Variants in DPY19L3 observed in about 807,000 individuals in gnomAD.
DPY19L3 encodes dpy-19 like C-mannosyltransferase 3, also known as protein C-mannosyl-transferase DPY19L3.
A neutral mutation model predicts 92.3 loss-of-function variants in DPY19L3; 51 were observed. The observed-to-expected ratio is 0.55, with a 90% CI of 0.44 to 0.70. DPY19L3 has a LOEUF of 0.70. Among genes scored for constraint, DPY19L3 ranks in the 30% least tolerant of loss-of-function variants. The probability of loss-of-function intolerance (pLI) is 0.00; values close to 1 mark genes in which losing one functional copy is unlikely to be tolerated. For missense variants in DPY19L3, 706 were observed against 855.9 expected (o/e 0.82, Z 2.18); for synonymous variants, 309 against 315.2 (o/e 0.98, Z 0.21).
intron 8 of DPY19L3, among the ~76,000 whole-genome samples, chr19:32,452,164 G>C (rs925229686): frequency 6.6e-6 from 1 of 152,322 alleles, no homozygotes; most frequent in East Asian, 1.9e-4. Context: ...TGGTTCTTCT[G>C]TGAGACCCTA....
In DPY19L3 at chr19:32,458,105, T is replaced by A. The variant is rs1236021151; in HGVS notation, c.1095T>A (p.Ile365=). 6.2e-7 allele frequency: 1 copy of A among 1,612,372 alleles called. No homozygotes were observed. Among genetic ancestry groups the A allele is most frequent in the Non-Finnish European group, 8.5e-7 (1 of 1,179,596 alleles). Residue 365 remains isoleucine (I), a synonymous_variant, in exon 11 of 19, where the codon ATT becomes ATA. Transcript: ENST00000392250. ...GTTTTCTCTTTCCCCGATAGAAAAT[T>A]CTTAACCTGAAGTCAGATGAACACA... ...TLFLNNIIKK[I]LNLKSDEHIF...
chr19:32,468,187 A>C, intron 15 of DPY19L3: 3 of 918,252 alleles, frequency 3.3e-6, no homozygotes, highest in Non-Finnish European at 3.9e-6. Context: ...CACACTTCTA[A>C]ATGAAAAATA....
At chr19:32,453,408 G>A (rs1969769811) in intron 9 of DPY19L3, 132 bp downstream of exon 9, 2 of 902,464 alleles carry the variant, frequency 2.2e-6, no homozygotes, top group Non-Finnish European at 3.2e-6. Flanking sequence ...ACGTGGCATT[G>A]TGTGCTTTTT....
intron 4 of DPY19L3, among the ~76,000 whole-genome samples, chr19:32,433,109 G>A (rs1969023748): frequency 6.6e-6 from 1 of 152,144 alleles, no homozygotes; most frequent in Admixed American, 6.5e-5. Context: ...CAGGTGAAAG[G>A]AGTATTGTCT....
chr19:32,460,402 C>A (rs572698309), intron 12 of DPY19L3, among the ~76,000 whole-genome samples: 3 of 152,078 alleles, frequency 2.0e-5, no homozygotes. Flanking sequence ...CAGAGTGAGA[C>A]CCTATCTCTA....
chr19:32,430,077 C>T (rs969005188), intron 3 of DPY19L3, among the ~76,000 whole-genome samples: 6 of 152,114 alleles, frequency 3.9e-5, no homozygotes, highest in South Asian at 2.1e-4. Flanking sequence ...CTTTTTATAA[C>T]GCAAGTGTGT....
At chr19:32,476,528 CAAAAAAAA>C (rs71176126) in intron 16 of DPY19L3, among the ~76,000 whole-genome samples, 28 of 93,320 alleles carry the variant, frequency 3.0e-4, no homozygotes, top group Non-Finnish European at 4.6e-4. Context: ...CTCAGGTTTC[CAAAAAAAA>C]AAAAAAAAAA....
chr19:32,422,354 G>A (rs1968599867), intron 3 of DPY19L3, among the ~76,000 whole-genome samples: 2 of 152,114 alleles, frequency 1.3e-5, no homozygotes, highest in South Asian at 4.1e-4. Context: ...AAAAGGAAGT[G>A]AAATATGAAC....
Position 32,439,162 on chromosome 19 carries a change from C to T in DPY19L3, c.647C>T (p.Ala216Val), listed in dbSNP as rs910636872. The T allele has an allele frequency of 6.2e-7, 1 of 1,613,436 alleles. No homozygotes were observed. The highest frequency in any genetic ancestry group is 2.2e-5 in the East Asian group (1 of 44,862). ...EFTIPLRENWALPFFAIQIAA... is the reference protein window; with the variant it reads ...EFTIPLRENWVLPFFAIQIAA... ...ACCATCCCACTGAGGGAGAACTGGG[C>T]GCTGCCATTCTTTGCAATTCAGATA... Residue 216 changes from alanine (A) to valine (V), a missense_variant, in exon 7 of 19, where the codon GCG (alanine) becomes GTG (valine). Ala to Val is a moderately conservative substitution (Grantham distance 64). Coordinates refer to ENST00000392250, the MANE Select transcript of DPY19L3 (RefSeq NM_001172774.2).
rs541337665 is a variant in DPY19L3 at position 32,406,187 on chromosome 19, C to T, written c.-38+278C>T. ...CGAGGCAGGGCCTGGGCTGCGACCC[C>T]GGCGGCCGCTCGCGGTCTTGGGAGA... is the stretch of plus-strand genomic sequence containing the variant. On this transcript the variant is annotated intron_variant, in intron 1 of 18. Coordinates refer to ENST00000392250, the MANE Select transcript of DPY19L3 (RefSeq NM_001172774.2). 4 of 152,168 alleles carry T rather than the reference C, an allele frequency of 2.6e-5. No homozygotes were observed. In the East Asian group the frequency reaches 7.8e-4, roughly 29 times the overall value. The allele number at this position is 152,168 out of a possible 1,614,324, so 9.4% of individuals were successfully genotyped here. A position where few individuals can be genotyped will look rare whatever the true frequency, so the allele number is the denominator to read the frequency against.
chr19:32,460,657 TAGGAATTTTTC>T (rs1970009353), intron 12 of DPY19L3, among the ~76,000 whole-genome samples: 1 of 152,156 alleles, frequency 6.6e-6, no homozygotes, highest in Non-Finnish European at 1.5e-5. Context: ...CACTAGGCAA[TAGGAATTTTTC>T]AGCTCCATTA....
At chr19:32,447,369 TAA>T (rs1236161812) in intron 8 of DPY19L3, among the ~76,000 whole-genome samples, 1 of 151,878 alleles carries the variant, frequency 6.6e-6, no homozygotes, top group Admixed American at 6.6e-5. Context: ...GAGAAGAAAA[TAA>T]TAAAGAGCAG....
chr19:32,442,300 A>G (rs982813784), intron 8 of DPY19L3, among the ~76,000 whole-genome samples: 3 of 152,244 alleles, frequency 2.0e-5, no homozygotes, highest in Non-Finnish European at 4.4e-5. Context: ...AACAGCAAGC[A>G]TATTATAAAG....
Position 32,453,215 on chromosome 19 carries a change from T to G in DPY19L3, c.926T>G (p.Met309Arg). The change falls in exon 9 of 19, where the codon ATG (methionine) becomes AGG (arginine). Residue 309 changes from methionine (M) to arginine (R), a missense_variant. Met to Arg is a moderately conservative substitution (Grantham distance 91). Coordinates refer to ENST00000392250, the MANE Select transcript of DPY19L3 (RefSeq NM_001172774.2). The part of the protein sequence containing the change: ...LVCILQFFNS[M>R]ILGSLLISFN... ...TGCATTCTTCAGTTTTTTAATTCCA[T>G]GATTCTTGGATCACTGCTTATCAGT... 1 of 1,614,058 alleles carries G rather than the reference T, an allele frequency of 6.2e-7. No homozygotes were observed.
In DPY19L3 at chr19:32,455,050, T is replaced by TA. The variant is rs767696295; in HGVS notation, c.1089+15dup. 2.1e-6 allele frequency: 3 copies of TA among 1,445,162 alleles called. No homozygotes were observed. The highest frequency in any genetic ancestry group is 2.6e-5 in the South Asian group (2 of 77,624). 89.5% of individuals were successfully genotyped at this position (1,445,162 alleles called of 1,614,324 possible). On this transcript the variant is annotated intron_variant, in intron 10 of 18. Coordinates refer to ENST00000392250, the MANE Select transcript of DPY19L3 (RefSeq NM_001172774.2). Reference sequence around the variant, plus strand: ...CAACAACATAATTAAGGTAAGTTAATAAAAATGACATGTTTAATGTATTTT... The same window carrying TA: ...CAACAACATAATTAAGGTAAGTTAATAAAAAATGACATGTTTAATGTATTTT...
At position 32,477,564 on chromosome 19, in the gene DPY19L3, G is replaced by T; in HGVS notation, c.1740G>T (p.Gln580His). The T allele has an allele frequency of 6.2e-7, 1 of 1,614,174 alleles. No individual in the cohort carries two copies. The highest frequency in any genetic ancestry group is 8.5e-7 in the Non-Finnish European group (1 of 1,180,046). The change falls in exon 17 of 19, where the codon CAG (glutamine) becomes CAT (histidine). Residue 580 changes from glutamine to histidine, a missense_variant. Transcript: ENST00000392250. ...PRKAVFAGSM[Q>H]LLAGVKLCTG... ...AGGCTGTGTTTGCGGGAAGCATGCA[G>T]TTGCTGGCCGGAGTCAAGCTGTGCA...
At position 32,411,257 on chromosome 19, in the gene DPY19L3, T is replaced by G. The variant is rs1968170947; in HGVS notation, c.122T>G (p.Leu41Ter). 5 of 1,612,170 alleles carry G rather than the reference T, an allele frequency of 3.1e-6. No homozygotes were observed. Among genetic ancestry groups the G allele is most frequent in the Non-Finnish European group, 4.2e-6 (5 of 1,179,888 alleles). ...KLPSGCTSRRLWKILSLTIGG... is the reference protein window; with the variant it reads ...KLPSGCTSRR ...CCAAAAGGTTGTACCAGTAGAAGAT[T>G]ATGGAAGATTTTGTCATTGACAATT... Residue 41 changes from leucine (L) to a stop codon, truncating the protein, a stop_gained, in exon 3 of 19, where the codon TTA (leucine) becomes TGA (stop). Coordinates refer to ENST00000392250, the MANE Select transcript of DPY19L3 (RefSeq NM_001172774.2). LOFTEE classifies it high-confidence loss of function.
At chr19:32,423,402 A>ATTTTTTTTTTTTTTTTTT (rs71176123) in intron 3 of DPY19L3, among the ~76,000 whole-genome samples, 8 of 82,220 alleles carry the variant, frequency 9.7e-5, no homozygotes, top group African/African-American at 3.3e-4. Flanking sequence ...TGCCCAGCTA[A>ATTTTTTTTTTTTTTTTTT]TTTTTTTTTT....
At chr19:32,440,903 G>A (rs3826925) in intron 8 of DPY19L3, among the ~76,000 whole-genome samples, 134,637 of 151,948 alleles carry the variant, frequency 0.89, 59,917 homozygotes, top group African/African-American at 0.97. Flanking sequence ...TAGATCACAA[G>A]TGAGGGTAGA....
Sources: allele counts gnomAD v4.1 joint callset (sites outside exome capture counted in the v4.1 genomes callset), GRCh38; gene constraint gnomAD v4.1.1; transcripts MANE v1.5; gene names NCBI Gene and HGNC (gene_info 2026-07-23, HGNC 2026-07-21).